The following SRSF3 variants were observed in gnomAD, a reference collection of about 807,000 sequenced individuals.
The protein encoded by SRSF3 is serine/arginine-rich splicing factor 3.
For missense variants in SRSF3, 58 were observed against 217.1 expected, an observed-to-expected ratio of 0.27 and a Z score of 4.61; for synonymous variants, 87 against 73.6, an observed-to-expected ratio of 1.18 and a Z score of -0.93.
chr6:36,601,834 A>G (rs763705083), intron 5 of SRSF3, 40 bp downstream of exon 5: 1 of 1,599,736 alleles, frequency 6.3e-7, no homozygotes, highest in East Asian at 2.2e-5. Context: ...CTTTGCATAC[A>G]TAGTATGCTA....
intron 1 of SRSF3, among the ~76,000 whole-genome samples, chr6:36,595,836 C>T (rs1246354537): frequency 6.6e-6 from 1 of 152,266 alleles, no homozygotes. Context: ...ATTTTTACCG[C>T]GTAAGACTCT....
chr6:36,598,956 G>A lies in SRSF3; in HGVS notation c.314G>A (p.Arg105His), dbSNP rs752792026. ...GGTCGTCGCCCTCGAGATGATTATC[G>A]TAGGAGGAGTCCTCCACCTCGTCGC... Reference protein sequence around the residue: ...SWGRRPRDDYRRRSPPPRRRS... With the variant: ...SWGRRPRDDYHRRSPPPRRRS... The change falls in exon 3 of 6, where the codon CGT becomes CAT. Residue 105 changes from arginine to histidine, a missense_variant. By Grantham distance (29) the Arg-to-His change is conservative. Transcript: ENST00000373715. The A allele has an allele frequency of 6.2e-7, 1 of 1,614,174 alleles. No individual in the cohort carries two copies. The highest frequency in any genetic ancestry group is 8.5e-7 in the Non-Finnish European group (1 of 1,180,022).
intron 2 of SRSF3, 127 bp downstream of exon 2, chr6:36,597,095 A>ATTT (rs1778642206): frequency 1.8e-5 from 9 of 493,898 alleles, no homozygotes; most frequent in African/African-American, 1.2e-4. Flanking sequence ...TACAATTGGG[A>ATTT]TCTTTTTTTT....
chr6:36,604,508 A>G lies in SRSF3; in HGVS notation c.*2519A>G, dbSNP rs1156559468. The stretch of plus-strand genomic sequence containing the variant: ...TCATTGTGGGTTGCTTCTGACCTCC[A>G]TGTCTTAAGCAGAAAGTAGGGAAGT... On this transcript the variant is annotated 3_prime_UTR_variant, in exon 6 of 6. Coordinates refer to ENST00000373715, the MANE Select transcript of SRSF3 (RefSeq NM_003017.5). 2 of 178,942 alleles carry G rather than the reference A, an allele frequency of 1.1e-5. No individual in the cohort carries two copies. The highest frequency in any genetic ancestry group is 4.7e-5 in the African/African-American group (2 of 42,296). 11.1% of individuals were successfully genotyped at this position (178,942 alleles called of 1,614,324 possible). A position where few individuals can be genotyped will look rare whatever the true frequency, so the allele number is the denominator to read the frequency against.
At chr6:36,601,079 G>A in intron 3 of SRSF3, 73 bp from the exon 4 acceptor site, 3 of 1,174,000 alleles carry the variant, frequency 2.6e-6, no homozygotes, top group African/African-American at 3.7e-5. Context: ...CAGTGAGATT[G>A]AAAAGTTGGG....
intron 1 of SRSF3, among the ~76,000 whole-genome samples, chr6:36,594,975 G>C (rs149386866): frequency 1.1e-4 from 16 of 152,254 alleles, no homozygotes; most frequent in African/African-American, 3.9e-4. Flanking sequence ...TTGAACTTAA[G>C]ATTCGTTCTT....
At chr6:36,598,639 CAT>C in intron 2 of SRSF3, 2 of 519,784 alleles carry the variant, frequency 3.8e-6, no homozygotes, top group Non-Finnish European at 6.7e-6. Context: ...GCCTCGGCCT[CAT>C]AAAGTGTTGG....
intron 2 of SRSF3, among the ~76,000 whole-genome samples, chr6:36,597,864 A>G (rs956704579): frequency 1.5e-5 from 2 of 133,324 alleles, no homozygotes; most frequent in Non-Finnish European, 3.2e-5. Context: ...ATGTATATTT[A>G]TTATTTAAAA....
intron 2 of SRSF3, 102 bp downstream of exon 2, chr6:36,597,070 AATTGTATCTTTAGATACAATTGGG>A: frequency 1.1e-6 from 1 of 899,092 alleles, no homozygotes; most frequent in Non-Finnish European, 1.8e-6. Flanking sequence ...ATCACTGGCC[AATTGTATCTTTAGATACAATTGGG>A]ATCTTTTTTT....
intron 2 of SRSF3, 153 bp downstream of exon 2, chr6:36,597,121 T>C (rs9470344): frequency 8.1e-6 from 5 of 621,060 alleles, no homozygotes; most frequent in Non-Finnish European, 1.3e-5. Flanking sequence ...TTTTTTTTGG[T>C]GGGGAGACGA....
rs778276944 is a variant in SRSF3, at chr6:36,601,940, C to CTTTTT, written c.468-7_468-3dup. On this transcript the variant is annotated intron_variant, in intron 5 of 5. Transcript: ENST00000373715. ...AGTTACAGATGTAATGTTTTGTTTT[C>CTTTTT]TTTTTTTTTTTTTTTTTTTAGTCGA... 4.6e-4 allele frequency: 656 copies of CTTTTT among 1,432,596 alleles called. 6 individuals are homozygous for CTTTTT. The highest frequency in any genetic ancestry group is 2.2e-3 in the South Asian group (151 of 69,246). 88.7% of individuals were successfully genotyped at this position (1,432,596 alleles called of 1,614,324 possible).
chr6:36,597,543 C>T (rs1164397365), intron 2 of SRSF3, among the ~76,000 whole-genome samples: 5 of 152,028 alleles, frequency 3.3e-5, no homozygotes, highest in African/African-American at 1.2e-4. Context: ...TACTATTTCC[C>T]TTTGTGTTAA....
At chr6:36,597,132 G>A in intron 2 of SRSF3, 164 bp downstream of exon 2, 1 of 627,654 alleles carries the variant, frequency 1.6e-6, no homozygotes, top group Non-Finnish European at 2.7e-6. Flanking sequence ...GGGGAGACGA[G>A]TCTTGCACTG....
At position 36,603,552 on chromosome 6, in the gene SRSF3, G is replaced by T. The variant is rs1778754657; in HGVS notation, c.*1563G>T. On this transcript the variant is annotated 3_prime_UTR_variant, in exon 6 of 6. Transcript: ENST00000373715. ...AGTTCAAGCTAAATGGATACATTAA[G>T]ATACAGTTCCTAAACAAATTATTTA... 4.4e-6 allele frequency: 1 copy of T among 227,444 alleles called. No individual in the cohort carries two copies. 14.1% of individuals were successfully genotyped at this position (227,444 alleles called of 1,614,324 possible).
At position 36,601,459 on chromosome 6, in the gene SRSF3, C is replaced by G. The variant is rs1367682532; in HGVS notation, c.381-249C>G. 1.6e-5 allele frequency: 9 copies of G among 565,706 alleles called. No individual in the cohort carries two copies. The East Asian group carries it at 1.9e-4, about 12-fold the overall frequency. The allele number at this position is 565,706 out of a possible 1,614,324, so 35.0% of individuals were successfully genotyped here. A position where few individuals can be genotyped will look rare whatever the true frequency, so the allele number is the denominator to read the frequency against. On this transcript the variant is annotated intron_variant, in intron 4 of 5. Coordinates refer to ENST00000373715, the MANE Select transcript of SRSF3 (RefSeq NM_003017.5). ...ACTCCTGGCCTTGGAGTGATCCTCC[C>G]TCTTCAGCCTCCTGAGTAGCTTGGA...
chr6:36,597,586 AG>A (rs146948367), intron 2 of SRSF3, among the ~76,000 whole-genome samples: 90 of 152,252 alleles, frequency 5.9e-4, no homozygotes, highest in African/African-American at 2.0e-3. Context: ...GTAAGGCCTG[AG>A]TATTGACCTC....
intron 2 of SRSF3, among the ~76,000 whole-genome samples, chr6:36,597,462 A>G (rs890083095): frequency 3.9e-5 from 6 of 152,162 alleles, no homozygotes; most frequent in Non-Finnish European, 7.4e-5. Context: ...AAAATTGTTT[A>G]CAAAATGGTT....
rs778276944 is a variant in SRSF3, at chr6:36,601,940, C to CTTTT, written c.468-6_468-3dup. On this transcript the variant is annotated intron_variant, in intron 5 of 5. Coordinates refer to ENST00000373715, the MANE Select transcript of SRSF3 (RefSeq NM_003017.5). ...AGTTACAGATGTAATGTTTTGTTTT[C>CTTTT]TTTTTTTTTTTTTTTTTTTAGTCGA... 2.0e-3 allele frequency: 2,818 copies of CTTTT among 1,430,294 alleles called. 13 individuals are homozygous for CTTTT. The highest frequency in any genetic ancestry group is 8.6e-3 in the South Asian group (594 of 68,966). The allele number at this position is 1,430,294 out of a possible 1,614,324, so 88.6% of individuals were successfully genotyped here.
intron 1 of SRSF3, among the ~76,000 whole-genome samples, chr6:36,595,456 C>T (rs1414084538): frequency 6.6e-6 from 1 of 152,142 alleles, no homozygotes; most frequent in Non-Finnish European, 1.5e-5. Context: ...CCGTCACCTC[C>T]CCCCGCAGGA....
Sources: gnomAD v4.1 joint callset for allele counts (sites outside exome capture counted in the v4.1 genomes callset) on GRCh38, gnomAD v4.1.1 for gene constraint, MANE v1.5 for transcripts, NCBI Gene and HGNC (gene_info 2026-07-23, HGNC 2026-07-21) for gene names.